The following MAGI2 variants were observed in gnomAD, a reference collection of about 807,000 sequenced individuals.
MAGI2 encodes the protein membrane-associated guanylate kinase, WW and PDZ domain-containing protein 2.
A neutral mutation model predicts 133.3 loss-of-function variants in MAGI2; 35 were observed. The ratio of observed to expected loss-of-function variants is 0.26; its 90% CI spans 0.20 to 0.35. The LOEUF (loss-of-function observed/expected upper bound fraction) is 0.35, where lower values mean the gene tolerates loss of function less well. MAGI2 is among the 10% of genes least tolerant of loss of function. The pLI is 1.00. For missense variants in MAGI2, 1,636 were observed against 1,863.4 expected, an observed-to-expected ratio of 0.88 and a Z score of 2.25; for synonymous variants, 729 against 710.6, an observed-to-expected ratio of 1.03 and a Z score of -0.41.
At chr7:78,161,667 T>TA (rs71515391) in intron 15 of MAGI2, among the ~76,000 whole-genome samples, 20,979 of 68,798 alleles carry the variant, frequency 0.3, 2,761 homozygotes, top group East Asian at 0.48. Flanking sequence ...CATCGATACC[T>TA]AAAAAAAAAA....
At chr7:78,729,769 G>A (rs955614577) in intron 2 of MAGI2, among the ~76,000 whole-genome samples, 2 of 152,186 alleles carry the variant, frequency 1.3e-5, no homozygotes, top group Non-Finnish European at 2.9e-5. Context: ...TTGGTAGTCT[G>A]ACTATAATTG....
At chr7:78,108,678 A>G (rs979888111) in intron 20 of MAGI2, among the ~76,000 whole-genome samples, 1 of 140,762 alleles carries the variant, frequency 7.1e-6, no homozygotes, top group African/African-American at 2.5e-5. Flanking sequence ...GTATACACAC[A>G]TATATGTGAG....
chr7:78,795,987 A>G (rs953313397), intron 2 of MAGI2, among the ~76,000 whole-genome samples: 3 of 152,150 alleles, frequency 2.0e-5, no homozygotes, highest in Non-Finnish European at 4.4e-5. Context: ...ATCAACTGCA[A>G]ATGAAATACA....
intron 16 of MAGI2, among the ~76,000 whole-genome samples, chr7:78,146,360 T>C (rs1823306379): frequency 6.6e-6 from 1 of 151,434 alleles, no homozygotes; most frequent in Non-Finnish European, 1.5e-5. Flanking sequence ...CAAGTAGTTA[T>C]AATTTACTAC....
chr7:78,651,650 CTATATG>C (rs1273036669), intron 2 of MAGI2, among the ~76,000 whole-genome samples: 3 of 151,944 alleles, frequency 2.0e-5, no homozygotes, highest in East Asian at 1.9e-4. Context: ...TATGTATATT[CTATATG>C]TATAATTATT....
intron 2 of MAGI2, among the ~76,000 whole-genome samples, chr7:78,643,359 A>G (rs958742941): frequency 2.6e-5 from 4 of 152,194 alleles, no homozygotes; most frequent in African/African-American, 9.6e-5. Context: ...CTCTGAGCAG[A>G]TGAAAAAGTA....
intron 2 of MAGI2, among the ~76,000 whole-genome samples, chr7:78,824,887 A>T (rs974986389): frequency 2.0e-5 from 3 of 152,242 alleles, no homozygotes; most frequent in African/African-American, 7.2e-5. Context: ...CTATGCAGCC[A>T]TAAAAAGAAT....
At chr7:78,342,819 G>T (rs1467871884) in intron 9 of MAGI2, among the ~76,000 whole-genome samples, 1 of 152,090 alleles carries the variant, frequency 6.6e-6, no homozygotes, top group Non-Finnish European at 1.5e-5. Context: ...GTAGATGGGG[G>T]GATAGGGGAG....
chr7:78,983,541 T>C (rs901986988), intron 2 of MAGI2, among the ~76,000 whole-genome samples: 1 of 151,890 alleles, frequency 6.6e-6, no homozygotes, highest in Non-Finnish European at 1.5e-5. Context: ...ACAGAGTGAC[T>C]AAAACACTTA....
At chr7:79,424,389 G>A (rs189027804) in intron 1 of MAGI2, among the ~76,000 whole-genome samples, 1 of 152,146 alleles carries the variant, frequency 6.6e-6, no homozygotes, top group East Asian at 1.9e-4. Context: ...GAGTAGAATG[G>A]TGGTTGTGAG....
intron 2 of MAGI2, among the ~76,000 whole-genome samples, chr7:78,978,799 T>C (rs1221908689): frequency 6.6e-6 from 1 of 151,822 alleles, no homozygotes; most frequent in Non-Finnish European, 1.5e-5. Context: ...ATAAGGGCAG[T>C]CTGAAAGATT....
chr7:79,388,279 C>T (rs1475787597), intron 1 of MAGI2, among the ~76,000 whole-genome samples: 1 of 151,940 alleles, frequency 6.6e-6, no homozygotes, highest in African/African-American at 2.4e-5. Context: ...CTATTGCATT[C>T]ATTGAAATGT....
chr7:78,609,325 G>A (rs1806179646), intron 3 of MAGI2, among the ~76,000 whole-genome samples: 1 of 152,102 alleles, frequency 6.6e-6, no homozygotes, highest in African/African-American at 2.4e-5. Flanking sequence ...ATAATCTTCA[G>A]TAAAGACAAT....
intron 2 of MAGI2, among the ~76,000 whole-genome samples, chr7:78,684,646 G>A (rs961659812): frequency 2.0e-5 from 3 of 152,084 alleles, no homozygotes; most frequent in African/African-American, 7.2e-5. Context: ...ATTAAAAGAG[G>A]TGAGTGGATA....
chr7:78,135,829 A>T (rs1822058557), intron 16 of MAGI2, among the ~76,000 whole-genome samples: 1 of 152,226 alleles, frequency 6.6e-6, no homozygotes, highest in South Asian at 2.1e-4. Flanking sequence ...GTGTGTTGTC[A>T]CATCTTACCT....
intron 6 of MAGI2, among the ~76,000 whole-genome samples, chr7:78,445,882 G>A (rs10270014): frequency 0.86 from 130,509 of 151,624 alleles, 56,396 homozygotes; most frequent in Middle Eastern, 0.94. Context: ...TTTTCTTTTT[G>A]TATTTCTTTC....
At chr7:78,587,590 T>C (rs531211429) in intron 3 of MAGI2, among the ~76,000 whole-genome samples, 2 of 152,340 alleles carry the variant, frequency 1.3e-5, no homozygotes, top group African/African-American at 4.8e-5. Context: ...TTTAATCACT[T>C]TATACAGTCC....
chr7:79,285,495 C>G (rs553054827), intron 1 of MAGI2, among the ~76,000 whole-genome samples: 2 of 152,202 alleles, frequency 1.3e-5, no homozygotes, highest in African/African-American at 2.4e-5. Flanking sequence ...TTTAAAACAG[C>G]CTTCAAACAC....
intron 1 of MAGI2, among the ~76,000 whole-genome samples, chr7:79,345,079 A>G (rs531752117): frequency 6.6e-6 from 1 of 152,208 alleles, no homozygotes; most frequent in East Asian, 1.9e-4. Flanking sequence ...TCCTAAATGC[A>G]TATGTTGAAG....
Sources: allele counts gnomAD v4.1 joint callset (sites outside exome capture counted in the v4.1 genomes callset), GRCh38; gene constraint gnomAD v4.1.1; transcripts MANE v1.5; gene names NCBI Gene and HGNC (gene_info 2026-07-23, HGNC 2026-07-21).